Variants in PCDH15 observed in about 807,000 individuals in gnomAD.
PCDH15 encodes protocadherin related 15, also known as protocadherin-15.
PCDH15 carries 129 observed loss-of-function variants against 178.5 expected under a neutral mutation model. The ratio of observed to expected loss-of-function variants is 0.72; its 90% CI spans 0.63 to 0.84. The LOEUF is 0.84. Among genes scored for constraint, PCDH15 ranks in the 40% least tolerant of loss-of-function variants. PCDH15 has a pLI of 0.00. For missense variants in PCDH15, 2,230 were observed against 2,099.9 expected, an observed-to-expected ratio of 1.06 and a Z score of -1.21; for synonymous variants, 800 against 732.0, an observed-to-expected ratio of 1.09 and a Z score of -1.50.
At chr10:55,312,145 T>C (rs1235439160) in intron 1 of PCDH15, among the ~76,000 whole-genome samples, 5 of 152,112 alleles carry the variant, frequency 3.3e-5, no homozygotes, top group Admixed American at 2.0e-4. Context: ...AAGGAGATTA[T>C]TGTAAATAAG....
At chr10:55,624,219 T>G (rs950619021) in intron 2 of PCDH15, among the ~76,000 whole-genome samples, 1 of 151,978 alleles carries the variant, frequency 6.6e-6, no homozygotes, top group Non-Finnish European at 1.5e-5. Flanking sequence ...TTTCCGAGAA[T>G]TAAACTAGTT....
At chr10:53,903,964 G>A (rs2082499871) in intron 25 of PCDH15, among the ~76,000 whole-genome samples, 1 of 152,018 alleles carries the variant, frequency 6.6e-6, no homozygotes, top group African/African-American at 2.4e-5. Flanking sequence ...GAAAACAATG[G>A]AGCTGAAGAT....
At chr10:54,531,283 A>G (rs2083893729) in intron 2 of PCDH15, among the ~76,000 whole-genome samples, 1 of 152,186 alleles carries the variant, frequency 6.6e-6, no homozygotes, top group Admixed American at 6.5e-5. Context: ...TCCATATCCA[A>G]TTTGTGGTAA....
intron 18 of PCDH15, among the ~76,000 whole-genome samples, chr10:54,040,591 T>C (rs2093520970): frequency 6.6e-6 from 1 of 152,036 alleles, no homozygotes; most frequent in African/African-American, 2.4e-5. Flanking sequence ...TGAAGTTGGA[T>C]GTTGAATGCA....
intron 18 of PCDH15, among the ~76,000 whole-genome samples, chr10:54,024,022 T>C (rs1216807585): frequency 6.6e-6 from 1 of 152,148 alleles, no homozygotes; most frequent in Non-Finnish European, 1.5e-5. Flanking sequence ...AGGGACTCTT[T>C]TTCAACATTA....
intron 3 of PCDH15, among the ~76,000 whole-genome samples, chr10:54,473,153 G>A (rs1374850540): frequency 6.6e-6 from 1 of 152,084 alleles, no homozygotes; most frequent in Non-Finnish European, 1.5e-5. Flanking sequence ...GGTAAGAAGA[G>A]ACAACACTAG....
chr10:53,986,233 T>A (rs2091092416), intron 21 of PCDH15, among the ~76,000 whole-genome samples: 2 of 152,180 alleles, frequency 1.3e-5, no homozygotes, highest in African/African-American at 4.8e-5. Context: ...GTGCTCAACA[T>A]CATTAGTCAT....
At chr10:55,285,384 AT>A (rs1163596943) in intron 1 of PCDH15, among the ~76,000 whole-genome samples, 2 of 151,498 alleles carry the variant, frequency 1.3e-5, no homozygotes, top group East Asian at 1.9e-4. Context: ...AGGTACATAT[AT>A]TATTATGATT....
chr10:55,070,939 C>A (rs1841724711), intron 2 of PCDH15, among the ~76,000 whole-genome samples: 1 of 152,060 alleles, frequency 6.6e-6, no homozygotes, highest in Non-Finnish European at 1.5e-5. Context: ...TCTTTGTATC[C>A]TCTTTTATTT....
chr10:54,759,161 T>C (rs538870326), intron 1 of PCDH15, among the ~76,000 whole-genome samples: 1 of 152,238 alleles, frequency 6.6e-6, no homozygotes, highest in East Asian at 1.9e-4. Flanking sequence ...TAGTAGGAAA[T>C]TGAAAAGTAC....
At chr10:55,148,327 G>A (rs1343802852) in intron 2 of PCDH15, among the ~76,000 whole-genome samples, 2 of 151,846 alleles carry the variant, frequency 1.3e-5, no homozygotes, top group East Asian at 1.9e-4. Flanking sequence ...TGGCCCAGAA[G>A]ATAGTAAGTC....
intron 18 of PCDH15, among the ~76,000 whole-genome samples, chr10:54,033,003 GA>G (rs1023329057): frequency 2.0e-5 from 3 of 151,774 alleles, no homozygotes; most frequent in Admixed American, 6.6e-5. Context: ...CCTCCCCCAT[GA>G]TCCAGTCACC....
intron 13 of PCDH15, among the ~76,000 whole-genome samples, chr10:54,166,939 C>T (rs958038565): frequency 6.6e-5 from 10 of 152,300 alleles, no homozygotes; most frequent in East Asian, 1.9e-4. Context: ...CACTCCTGCC[C>T]GCCAGAGAAC....
chr10:54,038,844 C>A (rs920060824), intron 18 of PCDH15, among the ~76,000 whole-genome samples: 1 of 151,996 alleles, frequency 6.6e-6, no homozygotes, highest in Admixed American at 6.6e-5. Context: ...TATACACATA[C>A]ACACATATAT....
At chr10:54,615,141 C>T (rs2093092272) in intron 2 of PCDH15, among the ~76,000 whole-genome samples, 1 of 151,874 alleles carries the variant, frequency 6.6e-6, no homozygotes, top group Non-Finnish European at 1.5e-5. Flanking sequence ...ATAACTATAC[C>T]TCAGGCGAGA....
At chr10:54,124,648 C>T (rs11004085) in intron 15 of PCDH15, among the ~76,000 whole-genome samples, 90,009 of 152,016 alleles carry the variant, frequency 0.59, 27,498 homozygotes, top group East Asian at 0.98. Flanking sequence ...CCTTGTAATA[C>T]ACGTGACATT....
chr10:54,905,867 C>G (rs914951525), intron 2 of PCDH15, among the ~76,000 whole-genome samples: 6 of 152,102 alleles, frequency 3.9e-5, no homozygotes, highest in Admixed American at 2.6e-4. Flanking sequence ...GGATAAGCCA[C>G]TTTTAATGCA....
Position 54,389,171 on chromosome 10 carries a change from A to C in PCDH15, c.158-10229T>G, listed in dbSNP as rs563615928. On this transcript the variant is annotated intron_variant, in intron 3 of 37. Coordinates refer to ENST00000644397, the MANE Select transcript of PCDH15 (RefSeq NM_001384140.1). Reference sequence around the variant, plus strand: ...AAAAAAAAACAAAACAAAACAAAAAAAAACTGTAGGGCTCTTCAAGGAAGC... The same window carrying C: ...AAAAAAAAACAAAACAAAACAAAAACAAACTGTAGGGCTCTTCAAGGAAGC... 5.5e-3 allele frequency among the ~76,000 whole-genome samples: 842 copies of C among 152,230 alleles called. 12 individuals carry two copies. Among genetic ancestry groups the C allele is most frequent in the Non-Finnish European group, 6.9e-3 (468 of 68,004 alleles).
At chr10:55,046,942 A>G (rs191816930) in intron 2 of PCDH15, among the ~76,000 whole-genome samples, 1 of 151,772 alleles carries the variant, frequency 6.6e-6, no homozygotes, top group African/African-American at 2.4e-5. Context: ...AAAAGAAATG[A>G]CTCTTTTAAA....
Sources: gnomAD v4.1 joint callset for allele counts (sites outside exome capture counted in the v4.1 genomes callset) on GRCh38, gnomAD v4.1.1 for gene constraint, MANE v1.5 for transcripts, NCBI Gene and HGNC (gene_info 2026-07-23, HGNC 2026-07-21) for gene names.